Variants in SLC35F4 observed in about 807,000 individuals in gnomAD.
SLC35F4 encodes the protein chromosome 14 open reading frame 36.
In SLC35F4, 24 loss-of-function variants were observed where a neutral mutation model predicts 44.2. That is an observed-to-expected ratio of 0.54 (90% confidence interval 0.39 to 0.76). SLC35F4 has a LOEUF of 0.76. SLC35F4 is among the 30% of genes least tolerant of loss of function. The pLI is 0.00. For missense variants in SLC35F4, 562 were observed against 586.1 expected (o/e 0.96, Z 0.42); for synonymous variants, 238 against 223.6 (o/e 1.06, Z -0.57).
At chr14:57,829,374 TG>T (rs1211428015) in intron 1 of SLC35F4, among the ~76,000 whole-genome samples, 6 of 152,160 alleles carry the variant, frequency 3.9e-5, no homozygotes, top group Non-Finnish European at 8.8e-5. Context: ...AGCAGCTCCC[TG>T]TGGAAGTGAC....
intron 1 of SLC35F4, among the ~76,000 whole-genome samples, chr14:57,699,468 C>T (rs1406540057): frequency 6.6e-6 from 1 of 152,170 alleles, no homozygotes; most frequent in African/African-American, 2.4e-5. Context: ...CCCTTACGTG[C>T]AAGAATTTCT....
At chr14:57,644,139 G>A (rs1017358241) in intron 1 of SLC35F4, among the ~76,000 whole-genome samples, 10 of 152,138 alleles carry the variant, frequency 6.6e-5, no homozygotes, top group Non-Finnish European at 1.3e-4. Flanking sequence ...ACCCAGTAAT[G>A]GGATGGCTGG....
At chr14:57,627,635 A>G (rs1050568799) in intron 1 of SLC35F4, among the ~76,000 whole-genome samples, 1 of 152,138 alleles carries the variant, frequency 6.6e-6, no homozygotes, top group Non-Finnish European at 1.5e-5. Context: ...AACCCAAGAA[A>G]TAATATACCA....
intron 1 of SLC35F4, among the ~76,000 whole-genome samples, chr14:57,826,482 G>A (rs148757733): frequency 1.7e-3 from 263 of 152,160 alleles, no homozygotes; most frequent in African/African-American, 6.0e-3. Context: ...AATGCCAAAA[G>A]CAATTGCAAC....
At chr14:57,888,782 C>G (rs977771767) in intron 1 of SLC35F4, among the ~76,000 whole-genome samples, 1 of 152,186 alleles carries the variant, frequency 6.6e-6, no homozygotes, top group Non-Finnish European at 1.5e-5. Context: ...CTATATAGTG[C>G]TTACTATGTG....
At chr14:57,976,368 A>G (rs1484674214), downstream of SLC35F4, among the ~76,000 whole-genome samples, 1 of 152,232 alleles carries the variant, frequency 6.6e-6, no homozygotes, top group Non-Finnish European at 1.5e-5. Context: ...GTGTATAATC[A>G]CAATACACTT....
chr14:57,871,329 G>A (rs1399167579), intron 1 of SLC35F4, among the ~76,000 whole-genome samples: 1 of 152,190 alleles, frequency 6.6e-6, no homozygotes, highest in Non-Finnish European at 1.5e-5. Flanking sequence ...CTGCAGCAGG[G>A]GAGCCCCAAC....
rs575159722 is a variant in SLC35F4, at chr14:57,580,989, C to T, written c.807+225G>A. On this transcript the variant is annotated intron_variant, in intron 4 of 7. Coordinates refer to ENST00000556826, the MANE Select transcript of SLC35F4 (RefSeq NM_001306087.2). ...CTTGTTTTCTCTGCCTGTTTTAGTGCCTCCTGTTGGAATGAGCTCACTAAC... is the reference window on the plus strand; with the variant it reads ...CTTGTTTTCTCTGCCTGTTTTAGTGTCTCCTGTTGGAATGAGCTCACTAAC... 1.7e-4 allele frequency: 65 copies of T among 380,196 alleles called. 1 individual carries two copies. Among genetic ancestry groups the T allele is most frequent in the African/African-American group, 8.7e-4 (42 of 48,146 alleles). 23.6% of individuals were successfully genotyped at this position (380,196 alleles called of 1,614,324 possible).
chr14:57,946,776 T>C (rs570158389), intron 1 of SLC35F4, among the ~76,000 whole-genome samples: 2 of 152,088 alleles, frequency 1.3e-5, no homozygotes, highest in African/African-American at 2.4e-5. Flanking sequence ...ACGTTGGCCA[T>C]ATTTGGCTTT....
At chr14:57,811,644 A>G (rs1448694859) in intron 1 of SLC35F4, among the ~76,000 whole-genome samples, 1 of 152,230 alleles carries the variant, frequency 6.6e-6, no homozygotes, top group Non-Finnish European at 1.5e-5. Flanking sequence ...TGGAAGATGG[A>G]CAGAACATTG....
At chr14:57,844,208 T>C (rs962997520) in intron 1 of SLC35F4, among the ~76,000 whole-genome samples, 9 of 152,174 alleles carry the variant, frequency 5.9e-5, no homozygotes, top group Non-Finnish European at 1.0e-4. Flanking sequence ...ATGTCAGAAA[T>C]ATCCAGAAAT....
chr14:57,695,652 C>T lies in SLC35F4; in HGVS notation c.104-101528G>A, dbSNP rs538995062. Among the ~76,000 whole-genome samples, 308 of 152,132 alleles carry T rather than the reference C, an allele frequency of 2.0e-3. 2 individuals are homozygous for T. The highest frequency in any genetic ancestry group is 7.1e-3 in the African/African-American group (295 of 41,490). ...TCTAGAACTAGAAATACCATTTGAC[C>T]CAGCCATCCCATTACTGGGTATATA... On this transcript the variant is annotated intron_variant, in intron 1 of 7. Coordinates refer to ENST00000556826, the MANE Select transcript of SLC35F4 (RefSeq NM_001306087.2).
At chr14:57,827,130 T>C (rs2140925948) in intron 1 of SLC35F4, among the ~76,000 whole-genome samples, 1 of 152,214 alleles carries the variant, frequency 6.6e-6, no homozygotes, top group Non-Finnish European at 1.5e-5. Flanking sequence ...AATAATAGAC[T>C]GGATAAAGAA....
At chr14:57,584,449 G>GTAACTTCTTGGCAGATGGTAT in intron 3 of SLC35F4, among the ~76,000 whole-genome samples, 1 of 150,956 alleles carries the variant, frequency 6.6e-6, no homozygotes, top group Non-Finnish European at 1.5e-5. Context: ...AACTTCTGGA[G>GTAACTTCTTGGCAGATGGTAT]TAACTTCTTG....
At chr14:57,971,263 T>C (rs562015534) in intron 1 of SLC35F4, among the ~76,000 whole-genome samples, 1 of 152,222 alleles carries the variant, frequency 6.6e-6, no homozygotes, top group African/African-American at 2.4e-5. Flanking sequence ...CTGCAATCCC[T>C]GCAATCTTGT....
chr14:57,707,932 G>C (rs2075719169), intron 1 of SLC35F4, among the ~76,000 whole-genome samples: 1 of 152,148 alleles, frequency 6.6e-6, no homozygotes, highest in Non-Finnish European at 1.5e-5. Flanking sequence ...TTTATGGTTA[G>C]ACTCTGAAAC....
chr14:57,581,020 G>T, intron 4 of SLC35F4, 194 bp downstream of exon 4: 1 of 448,030 alleles, frequency 2.2e-6, no homozygotes, highest in South Asian at 7.3e-5. Flanking sequence ...CTAACCAGTG[G>T]AAACAAACTG....
At chr14:57,972,563 C>T (rs955770422), downstream of SLC35F4, among the ~76,000 whole-genome samples, 4 of 151,620 alleles carry the variant, frequency 2.6e-5, no homozygotes, top group Admixed American at 6.6e-5. Flanking sequence ...AAAACCTTAA[C>T]ATTTCATTTT....
At chr14:57,880,028 AG>A (rs1273757609) in intron 1 of SLC35F4, among the ~76,000 whole-genome samples, 1 of 124,288 alleles carries the variant, frequency 8.0e-6, no homozygotes, top group Non-Finnish European at 1.6e-5. Context: ...AGGAAAGGAA[AG>A]GAGGGAGGAA....
Sources: gnomAD v4.1 joint callset for allele counts (sites outside exome capture counted in the v4.1 genomes callset) on GRCh38, gnomAD v4.1.1 for gene constraint, MANE v1.5 for transcripts, NCBI Gene and HGNC (gene_info 2026-07-23, HGNC 2026-07-21) for gene names.